The following CYP20A1 variants were observed in gnomAD, a reference collection of about 807,000 sequenced individuals.
CYP20A1 encodes the protein cytochrome P450 family 20 subfamily A member 1, also known as cytochrome P450 20A1.
Under a neutral mutation model 61.4 loss-of-function variants are expected in CYP20A1, and 61 were observed. The observed-to-expected ratio is 0.99, with a 90% CI of 0.81 to 1.23. CYP20A1 has a LOEUF of 1.23. Ranked by LOEUF, CYP20A1 falls within the 50% of genes most tolerant of loss-of-function variation. CYP20A1 has a pLI of 0.00. For missense variants in CYP20A1, 530 were observed against 542.4 expected (o/e 0.98, Z 0.23); for synonymous variants, 193 against 188.2 (o/e 1.03, Z -0.21).
At position 203,262,156 on chromosome 2, in the gene CYP20A1, A is replaced by G. The variant is rs554123695; in HGVS notation, c.433-4358A>G. 2.0e-5 allele frequency among the ~76,000 whole-genome samples: 3 copies of G among 152,344 alleles called. No homozygotes were observed. In the South Asian group the frequency reaches 6.2e-4, roughly 32 times the overall value. ...GCACCTTATACTGAGAAAGCTTAAC[A>G]TCATGCCAGGTGGCAAAGGAAAAAT... On this transcript the variant is annotated intron_variant, in intron 4 of 12. Transcript: ENST00000356079.
chr2:203,254,654 A>G (rs2066827911), intron 4 of CYP20A1, among the ~76,000 whole-genome samples: 1 of 151,950 alleles, frequency 6.6e-6, no homozygotes, highest in Non-Finnish European at 1.5e-5. Context: ...TTTATTTACC[A>G]TTGTATTGTA....
intron 3 of CYP20A1, among the ~76,000 whole-genome samples, chr2:203,247,648 G>A (rs991153081): frequency 2.0e-5 from 3 of 151,840 alleles, no homozygotes; most frequent in African/African-American, 7.3e-5. Flanking sequence ...CATGAGGTCA[G>A]GAGATCGAGA....
At chr2:203,247,815 C>T (rs1337985099) in intron 3 of CYP20A1, among the ~76,000 whole-genome samples, 2 of 152,218 alleles carry the variant, frequency 1.3e-5, no homozygotes, top group Non-Finnish European at 1.5e-5. Flanking sequence ...TGAGATCGCA[C>T]CACTGCACTC....
chr2:203,282,684 A>T (rs190151101), intron 8 of CYP20A1, among the ~76,000 whole-genome samples: 2 of 152,192 alleles, frequency 1.3e-5, no homozygotes, highest in Admixed American at 1.3e-4. Context: ...GATGTAGGTT[A>T]GTGGTTTTTT....
At chr2:203,267,047 C>G (rs949284362) in intron 5 of CYP20A1, among the ~76,000 whole-genome samples, 1 of 151,850 alleles carries the variant, frequency 6.6e-6, no homozygotes, top group Non-Finnish European at 1.5e-5. Flanking sequence ...ATTGTCCCAG[C>G]TACTGAGGCT....
chr2:203,239,057 A>C lies in CYP20A1; in HGVS notation c.-6A>C. The C allele has an allele frequency of 1.9e-6, 3 of 1,613,478 alleles. No individual in the cohort carries two copies. The highest frequency in any genetic ancestry group is 2.5e-6 in the Non-Finnish European group (3 of 1,179,680). On this transcript the variant is annotated 5_prime_UTR_variant, in exon 1 of 13. Coordinates refer to ENST00000356079, the MANE Select transcript of CYP20A1 (RefSeq NM_177538.3). ...TCCGAGACGTGGCTCCCTGGGCGGC[A>C]GAACCATGTTGGACTTCGCGATCTT...
At chr2:203,242,142 T>C (rs2066275186) in intron 1 of CYP20A1, among the ~76,000 whole-genome samples, 1 of 148,118 alleles carries the variant, frequency 6.8e-6, no homozygotes, top group Non-Finnish European at 1.5e-5. Flanking sequence ...GTGCCCAACC[T>C]AATTTTTTAA....
At chr2:203,251,607 T>C (rs960423732) in intron 3 of CYP20A1, among the ~76,000 whole-genome samples, 5 of 150,212 alleles carry the variant, frequency 3.3e-5, no homozygotes, top group Non-Finnish European at 7.4e-5. Context: ...CCGTCTCTAC[T>C]AGAAGTACAA....
intron 11 of CYP20A1, among the ~76,000 whole-genome samples, chr2:203,294,663 T>C (rs2068696607): frequency 6.6e-6 from 1 of 151,118 alleles, no homozygotes; most frequent in Non-Finnish European, 1.5e-5. Flanking sequence ...TTGGACGGAG[T>C]CTCAATCTGT....
intron 6 of CYP20A1, among the ~76,000 whole-genome samples, 184 bp downstream of exon 6, chr2:203,272,932 C>A (rs577716667): frequency 6.6e-6 from 1 of 151,664 alleles, no homozygotes; most frequent in Non-Finnish European, 1.5e-5. Context: ...CAGCAACCTC[C>A]GCCTCCCAGG....
At chr2:203,239,289 G>T (rs934466784) in intron 1 of CYP20A1, among the ~76,000 whole-genome samples, 155 bp downstream of exon 1, 6 of 152,124 alleles carry the variant, frequency 3.9e-5, no homozygotes, top group Non-Finnish European at 8.8e-5. Context: ...ACCGCACCCG[G>T]AGTCACGTGA....
intron 9 of CYP20A1, among the ~76,000 whole-genome samples, chr2:203,286,775 A>G (rs2068289311): frequency 6.6e-6 from 1 of 152,196 alleles, no homozygotes; most frequent in South Asian, 2.1e-4. Flanking sequence ...TAAAATTCAA[A>G]CCGTACAGGT....
At chr2:203,285,775 T>G in intron 9 of CYP20A1, 43 bp downstream of exon 9, 1 of 1,485,140 alleles carries the variant, frequency 6.7e-7, no homozygotes, top group Non-Finnish European at 8.9e-7. Flanking sequence ...AAGGTAAATT[T>G]GAACTGGTTT....
chr2:203,243,630 C>T (rs1325559220), intron 1 of CYP20A1, among the ~76,000 whole-genome samples: 2 of 151,796 alleles, frequency 1.3e-5, no homozygotes, highest in African/African-American at 4.8e-5. Context: ...GTGATCCGCC[C>T]ACCTTGGCCT....
chr2:203,276,277 G>A (rs2067816905), intron 6 of CYP20A1, among the ~76,000 whole-genome samples: 1 of 152,180 alleles, frequency 6.6e-6, no homozygotes, highest in Non-Finnish European at 1.5e-5. Flanking sequence ...AATGGGTTTT[G>A]TATGGCTTAC....
intron 6 of CYP20A1, among the ~76,000 whole-genome samples, chr2:203,274,735 T>TA (rs1248196123): frequency 2.0e-5 from 3 of 150,668 alleles, no homozygotes; most frequent in Non-Finnish European, 3.0e-5. Context: ...CCAACAGAAG[T>TA]AAAAAAAGAA....
At chr2:203,274,716 T>A (rs1176144101) in intron 6 of CYP20A1, among the ~76,000 whole-genome samples, 1 of 152,086 alleles carries the variant, frequency 6.6e-6, no homozygotes, top group African/African-American at 2.4e-5. Flanking sequence ...TTTTAGTGAT[T>A]TTCTTGGTCC....
intron 6 of CYP20A1, among the ~76,000 whole-genome samples, chr2:203,274,032 C>T (rs1402832775): frequency 6.6e-6 from 1 of 152,160 alleles, no homozygotes; most frequent in Admixed American, 6.5e-5. Flanking sequence ...TGTTGTTTGG[C>T]ATTGATTTCA....
chr2:203,242,656 C>T (rs546103869), intron 1 of CYP20A1, among the ~76,000 whole-genome samples: 6 of 151,962 alleles, frequency 3.9e-5, no homozygotes, highest in South Asian at 4.2e-4. Context: ...TGGTGGTGAG[C>T]GTCCGTGGTC....
Sources: allele counts gnomAD v4.1 joint callset (sites outside exome capture counted in the v4.1 genomes callset), GRCh38; gene constraint gnomAD v4.1.1; transcripts MANE v1.5; gene names NCBI Gene and HGNC (gene_info 2026-07-23, HGNC 2026-07-21).